SLC8A3: variants seen among roughly 807,000 people sequenced by gnomAD.
SLC8A3 encodes the protein solute carrier family 8 member A3.
SLC8A3 carries 37 observed loss-of-function variants against 65.4 expected under a neutral mutation model. The observed-to-expected ratio is 0.57, with a 90% CI of 0.44 to 0.74. The LOEUF (loss-of-function observed/expected upper bound fraction) is 0.74. Ranked by LOEUF, SLC8A3 falls within the 30% of genes least tolerant of loss-of-function variation. SLC8A3 has a pLI of 0.00. For missense variants in SLC8A3, 1,112 were observed against 1,172.1 expected (o/e 0.95, Z 0.75); for synonymous variants, 461 against 444.5 (o/e 1.04, Z -0.47).
rs1887135865 is a variant in SLC8A3 at position 70,049,005 on chromosome 14, C to T, written c.2151G>A (p.Arg717=). The T allele has an allele frequency of 6.2e-7, 1 of 1,613,454 alleles. No individual in the cohort carries two copies. The highest frequency in any genetic ancestry group is 1.3e-5 in the African/African-American group (1 of 74,936). ...DEDEDESGEE[R]LPSCFDYVMH... is the part of the protein sequence containing the mutation. ...TGACGTAGTCAAAGCAGGAGGGCAGCCTCTCCTCCCCGGATTCATCCTCAT... is the reference window on the plus strand; with the variant it reads ...TGACGTAGTCAAAGCAGGAGGGCAGTCTCTCCTCCCCGGATTCATCCTCAT... The change falls in exon 6 of 7, where the codon AGG becomes AGA. Residue 717 remains arginine (R), a synonymous_variant. Coordinates refer to ENST00000356921, the MANE Select transcript of SLC8A3 (RefSeq NM_182932.3).
intron 2 of SLC8A3, among the ~76,000 whole-genome samples, chr14:70,084,334 G>A (rs1297881874): frequency 6.6e-6 from 1 of 152,070 alleles, no homozygotes; most frequent in East Asian, 1.9e-4. Context: ...TGCTTCTTTA[G>A]CACACCCTCC....
chr14:70,151,036 C>T (rs1385454653), intron 2 of SLC8A3, among the ~76,000 whole-genome samples: 1 of 152,052 alleles, frequency 6.6e-6, no homozygotes, highest in Non-Finnish European at 1.5e-5. Flanking sequence ...GGGTGGATCA[C>T]GAGGTCAGGA....
intron 2 of SLC8A3, among the ~76,000 whole-genome samples, chr14:70,102,822 C>T (rs1892627452): frequency 6.6e-6 from 1 of 151,888 alleles, no homozygotes; most frequent in Non-Finnish European, 1.5e-5. Flanking sequence ...GGGACAACGT[C>T]ATGCAGTCTA....
chr14:70,141,884 C>A (rs562177030), intron 2 of SLC8A3, among the ~76,000 whole-genome samples: 1 of 152,324 alleles, frequency 6.6e-6, no homozygotes, highest in South Asian at 2.1e-4. Flanking sequence ...CACAGTGTAA[C>A]TTTCTTTCAC....
chr14:70,136,079 T>C (rs1895180814), intron 2 of SLC8A3, among the ~76,000 whole-genome samples: 1 of 152,162 alleles, frequency 6.6e-6, no homozygotes, highest in African/African-American at 2.4e-5. Context: ...TAAAAACTTC[T>C]GTGCCTCAGA....
In SLC8A3 at chr14:70,167,094, C is replaced by T. The variant is rs1330770040; in HGVS notation, c.1329G>A (p.Gly443=). Residue 443 remains glycine, a synonymous_variant, in exon 2 of 7, where the codon GGG becomes GGA. Transcript: ENST00000356921. ...YKTEDGSANA[G]ADYEFTEGTV... The stretch of plus-strand genomic sequence containing the variant: ...TGCCCTCTGTGAACTCATAGTCAGC[C>T]CCTGCATTGGCAGAACCATCCTCTG... 1.2e-6 allele frequency: 2 copies of T among 1,613,954 alleles called. No individual in the cohort carries two copies. The highest frequency in any genetic ancestry group is 8.5e-7 in the Non-Finnish European group (1 of 1,180,032).
At chr14:70,076,876 G>C (rs1425263859) in intron 2 of SLC8A3, among the ~76,000 whole-genome samples, 1 of 152,166 alleles carries the variant, frequency 6.6e-6, no homozygotes, top group Non-Finnish European at 1.5e-5. Flanking sequence ...TTAAGAGCCT[G>C]GGCCTTAGAA....
In SLC8A3 at chr14:70,180,609, T is replaced by A. The variant is rs77089833; in HGVS notation, c.-63+7770A>T. Among the ~76,000 whole-genome samples, 1,296 of 152,228 alleles carry A rather than the reference T, an allele frequency of 8.5e-3. 15 individuals are homozygous for A. The highest frequency in any genetic ancestry group is 0.028 in the African/African-American group (1,143 of 41,544). On this transcript the variant is annotated intron_variant, in intron 1 of 6. Transcript: ENST00000356921. ...CTGGGGAGAGAGTACAGTGGTATGT[T>A]TGGGGTAGGTGGAGCATCTAGAAAG...
chr14:70,049,099 G>C (rs1006481955), intron 5 of SLC8A3, 57 bp from the exon 6 acceptor site: 27 of 1,531,894 alleles, frequency 1.8e-5, no homozygotes, highest in Admixed American at 7.2e-5. Flanking sequence ...AATCATTCAT[G>C]AGAAAGTCAA....
Position 70,175,837 on chromosome 14 carries a change from C to T in SLC8A3, c.-62-7353G>A, listed in dbSNP as rs545300663. ...GCAACCTCCGCCTCCCAGGATCAAG[C>T]GATTCTCCTGCCTCAGCCTCCCAAG... On this transcript the variant is annotated intron_variant, in intron 1 of 6. Coordinates refer to ENST00000356921, the MANE Select transcript of SLC8A3 (RefSeq NM_182932.3). 2.0e-4 allele frequency among the ~76,000 whole-genome samples: 30 copies of T among 151,280 alleles called. No individual in the cohort carries two copies. In the East Asian group the frequency reaches 2.1e-3, roughly 11 times the overall value.
At chr14:70,099,827 C>T (rs1275241393) in intron 2 of SLC8A3, among the ~76,000 whole-genome samples, 2 of 152,154 alleles carry the variant, frequency 1.3e-5, no homozygotes, top group East Asian at 1.9e-4. Flanking sequence ...GGCCACAAGT[C>T]GTTTAAAAAG....
chr14:70,126,743 T>C (rs1032998474), intron 2 of SLC8A3, among the ~76,000 whole-genome samples: 2 of 152,122 alleles, frequency 1.3e-5, no homozygotes, highest in Middle Eastern at 3.4e-3. Context: ...CTACCACTGG[T>C]TGAGTATCCC....
Position 70,046,610 on chromosome 14 carries a change from T to G in SLC8A3, c.2390-287A>C, listed in dbSNP as rs773559356. On this transcript the variant is annotated intron_variant, in intron 6 of 6. Transcript: ENST00000356921. The surrounding 1 kb of genome is among the most constrained non-coding windows in gnomAD (Gnocchi z 4.2). The stretch of plus-strand genomic sequence containing the variant: ...ACTGAGTGGGCTTATTGTTCTCCTT[T>G]GACTACTTTTTCAGTAAGGGAAGTT... 1 of 343,920 alleles carries G rather than the reference T, an allele frequency of 2.9e-6. No individual in the cohort carries two copies. The highest frequency in any genetic ancestry group is 5.3e-6 in the Non-Finnish European group (1 of 188,782). The allele number at this position is 343,920 out of a possible 1,614,324, so 21.3% of individuals were successfully genotyped here.
At chr14:70,161,646 T>C (rs547698939) in intron 2 of SLC8A3, among the ~76,000 whole-genome samples, 1 of 144,954 alleles carries the variant, frequency 6.9e-6, no homozygotes, top group South Asian at 2.1e-4. Context: ...CTCCATGAGC[T>C]TGCAGTCTTG....
At chr14:70,126,570 T>TCTCTCTCTCTCTCA (rs1385909771) in intron 2 of SLC8A3, among the ~76,000 whole-genome samples, 75 of 117,108 alleles carry the variant, frequency 6.4e-4, no homozygotes, top group East Asian at 3.5e-3. Context: ...TCTCTCTCTC[T>TCTCTCTCTCTCTCA]CACACACACA....
intron 2 of SLC8A3, among the ~76,000 whole-genome samples, chr14:70,105,771 A>T (rs1298582225): frequency 6.6e-6 from 1 of 152,188 alleles, no homozygotes; most frequent in Non-Finnish European, 1.5e-5. Flanking sequence ...TTAAACCCTT[A>T]CAAAAACCTT....
intron 2 of SLC8A3, among the ~76,000 whole-genome samples, chr14:70,126,904 A>G (rs1894495793): frequency 9.9e-6 from 1 of 101,106 alleles, no homozygotes; most frequent in Non-Finnish European, 2.2e-5. Flanking sequence ...CAAATATTCA[A>G]AAAAAAAATC....
chr14:70,164,629 T>C (rs1376462657), intron 2 of SLC8A3, among the ~76,000 whole-genome samples: 2 of 152,182 alleles, frequency 1.3e-5, no homozygotes, highest in Non-Finnish European at 2.9e-5. Context: ...TGATTATTAA[T>C]AGAATGAGGA....
chr14:70,170,936 G>T (rs749830071), intron 1 of SLC8A3, among the ~76,000 whole-genome samples: 4 of 152,148 alleles, frequency 2.6e-5, no homozygotes, highest in Non-Finnish European at 5.9e-5. Context: ...GGAATAGAGT[G>T]GTTGAAGATG....
Sources: allele counts gnomAD v4.1 joint callset (sites outside exome capture counted in the v4.1 genomes callset), GRCh38; gene constraint gnomAD v4.1.1; non-coding constraint Gnocchi (gnomAD v3.1); transcripts MANE v1.5; gene names NCBI Gene and HGNC (gene_info 2026-07-23, HGNC 2026-07-21).